NR2F1: variants seen among roughly 807,000 people sequenced by gnomAD.
NR2F1 encodes COUP transcription factor 1.
In NR2F1, 1 loss-of-function variant was observed where a neutral mutation model predicts 37.7. The ratio of observed to expected loss-of-function variants is 0.03; its 90% confidence interval spans 0.01 to 0.13. The LOEUF is 0.13. Ranked by LOEUF, NR2F1 falls within the 10% of genes least tolerant of loss-of-function variation. The pLI is 1.00. For missense variants in NR2F1, 268 were observed against 578.4 expected (o/e 0.46, Z 5.50); for synonymous variants, 275 against 259.6 (o/e 1.06, Z -0.57).
In NR2F1 at chr5:93,594,377, T is replaced by C. The variant is rs1196164713; in HGVS notation, c.*535T>C. On this transcript the variant is annotated 3_prime_UTR_variant, in exon 3 of 3. Transcript: ENST00000327111. The stretch of plus-strand genomic sequence containing the variant: ...CGCATAAAGAAAAAGGAAACAAGAA[T>C]TAGGGGAAAATAACATTTTCCAAAT... 1 of 152,324 alleles carries C rather than the reference T, an allele frequency of 6.6e-6. No homozygotes were observed. Among genetic ancestry groups the C allele is most frequent in the African/African-American group, 2.4e-5 (1 of 41,450 alleles). 9.4% of individuals were successfully genotyped at this position (152,324 alleles called of 1,614,324 possible). A position where few individuals can be genotyped will look rare whatever the true frequency, so the allele number is the denominator to read the frequency against.
rs201452963 is a variant in NR2F1, at chr5:93,585,216, G to A, written c.193G>A (p.Gly65Ser). The A allele has an allele frequency of 1.9e-6, 3 of 1,544,336 alleles. No homozygotes were observed. The highest frequency in any genetic ancestry group is 1.4e-5 in the African/African-American group (1 of 72,740). The change falls in exon 1 of 3, where the codon GGC becomes AGC. Residue 65 changes from glycine (G) to serine (S), a missense_variant. Coordinates refer to ENST00000327111, the MANE Select transcript of NR2F1 (RefSeq NM_005654.6). ...CCAGCCCGGAGCGCCCGCCACCCCCGGCACGGCGGGGGACAAGGGCCAGGG... is the reference window on the plus strand; with the variant it reads ...CCAGCCCGGAGCGCCCGCCACCCCCAGCACGGCGGGGGACAAGGGCCAGGG... ...PGQPGAPATP[G>S]TAGDKGQGPP...
In NR2F1 at chr5:93,583,737, G is replaced by A. The variant is rs1030849003; in HGVS notation, c.-1287G>A. ...TATAGCAGAAGAAGCAGAAGAAGGA[G>A]CAAGAAAGAGGAAAAGAAGAGGATT... On this transcript the variant is annotated 5_prime_UTR_variant, in exon 1 of 3. Transcript: ENST00000327111. 1 of 152,150 alleles carries A rather than the reference G, an allele frequency of 6.6e-6. No homozygotes were observed. Among genetic ancestry groups the A allele is most frequent in the Admixed American group, 6.5e-5 (1 of 15,286 alleles). 9.4% of individuals were successfully genotyped at this position (152,150 alleles called of 1,614,324 possible).
chr5:93,587,635 C>G (rs1753255222), intron 1 of NR2F1: 1 of 423,014 alleles, frequency 2.4e-6, no homozygotes, highest in African/African-American at 2.0e-5. Flanking sequence ...ATGACACTTT[C>G]TTGACCTTGC....
At position 93,583,755 on chromosome 5, in the gene NR2F1, A is replaced by C. The variant is rs989417410; in HGVS notation, c.-1269A>C. 6.6e-6 allele frequency: 1 copy of C among 152,152 alleles called. No individual in the cohort carries two copies. Among genetic ancestry groups the C allele is most frequent in the Non-Finnish European group, 1.5e-5 (1 of 68,032 alleles). 9.4% of individuals were successfully genotyped at this position (152,152 alleles called of 1,614,324 possible). A position where few individuals can be genotyped will look rare whatever the true frequency, so the allele number is the denominator to read the frequency against. On this transcript the variant is annotated 5_prime_UTR_variant, in exon 1 of 3. Coordinates refer to ENST00000327111, the MANE Select transcript of NR2F1 (RefSeq NM_005654.6). ...AGAAGGAGCAAGAAAGAGGAAAAGAAGAGGATTATTTATTCGACCTACTTT... is the reference window on the plus strand; with the variant it reads ...AGAAGGAGCAAGAAAGAGGAAAAGACGAGGATTATTTATTCGACCTACTTT...
At chr5:93,591,079 C>T (rs1753321506) in intron 2 of NR2F1, among the ~76,000 whole-genome samples, 1 of 152,230 alleles carries the variant, frequency 6.6e-6, no homozygotes, top group African/African-American at 2.4e-5. Context: ...GAATGCACAA[C>T]ATGAAATACA....
intron 1 of NR2F1, chr5:93,587,617 G>T: frequency 2.7e-6 from 1 of 367,542 alleles, no homozygotes; most frequent in Non-Finnish European, 4.9e-6. Flanking sequence ...TGGTGGCTTA[G>T]GGGTTGGATG....
At chr5:93,591,284 A>G (rs1254341189) in intron 2 of NR2F1, among the ~76,000 whole-genome samples, 5 of 152,220 alleles carry the variant, frequency 3.3e-5, no homozygotes, top group African/African-American at 1.2e-4. Flanking sequence ...GAGCATAAAT[A>G]TATACTGTAT....
chr5:93,585,028 C>T lies in NR2F1; in HGVS notation c.5C>T (p.Ala2Val). ...GCGCTCCCCGGGCCCAAAGATATGG[C>T]AATGGTAGTTAGCAGCTGGCGAGAT... MAMVVSSWRDPQ... is the reference protein window; with the variant it reads MVMVVSSWRDPQ... The change falls in exon 1 of 3, where the codon GCA (alanine) becomes GTA (valine). Residue 2 changes from alanine (A) to valine (V), a missense_variant. Transcript: ENST00000327111. The T allele has an allele frequency of 9.8e-7, 1 of 1,022,178 alleles. No individual in the cohort carries two copies. Among genetic ancestry groups the T allele is most frequent in the Non-Finnish European group, 1.2e-6 (1 of 854,934 alleles). 63.3% of individuals were successfully genotyped at this position (1,022,178 alleles called of 1,614,324 possible). A position where few individuals can be genotyped will look rare whatever the true frequency, so the allele number is the denominator to read the frequency against.
chr5:93,594,207 G>A lies in NR2F1; in HGVS notation c.*365G>A, dbSNP rs1303670836. The A allele has an allele frequency of 1.6e-5, 4 of 247,070 alleles. No homozygotes were observed. Among genetic ancestry groups the A allele is most frequent in the Non-Finnish European group, 2.3e-5 (3 of 128,086 alleles). 15.3% of individuals were successfully genotyped at this position (247,070 alleles called of 1,614,324 possible). A position where few individuals can be genotyped will look rare whatever the true frequency, so the allele number is the denominator to read the frequency against. On this transcript the variant is annotated 3_prime_UTR_variant, in exon 3 of 3. Coordinates refer to ENST00000327111, the MANE Select transcript of NR2F1 (RefSeq NM_005654.6). The stretch of plus-strand genomic sequence containing the variant: ...GGACCTTCCAGGATTTATTGTGGAC[G>A]GATGTGGATATATTCTGTACAGGAA...
intron 2 of NR2F1, among the ~76,000 whole-genome samples, chr5:93,590,626 C>G: frequency 6.6e-6 from 1 of 152,188 alleles, no homozygotes; most frequent in East Asian, 1.9e-4. Flanking sequence ...CAACACATTT[C>G]CACTTTTGAC....
intron 2 of NR2F1, among the ~76,000 whole-genome samples, chr5:93,592,616 C>G (rs1446481340): frequency 1.3e-5 from 2 of 151,650 alleles, no homozygotes; most frequent in Admixed American, 6.6e-5. Flanking sequence ...CTCCCTTGGT[C>G]CTGCCACCAA....
At position 93,588,200 on chromosome 5, in the gene NR2F1, G is replaced by A. The variant is rs754396202; in HGVS notation, c.747G>A (p.Val249=). ...CGGATCTGCAGATCACCGACCAGGT[G>A]TCCCTGCTACGCCTCACCTGGAGCG... The part of the protein sequence containing the change: ...FFPDLQITDQ[V]SLLRLTWSEL... Residue 249 remains valine (V), a synonymous_variant, in exon 2 of 3, where the codon GTG becomes GTA. Coordinates refer to ENST00000327111, the MANE Select transcript of NR2F1 (RefSeq NM_005654.6). The A allele has an allele frequency of 6.2e-7, 1 of 1,614,096 alleles. No homozygotes were observed. The highest frequency in any genetic ancestry group is 8.5e-7 in the Non-Finnish European group (1 of 1,180,002).
At position 93,593,498 on chromosome 5, in the gene NR2F1, C is replaced by T; in HGVS notation, c.992-64C>T. 1 of 1,490,254 alleles carries T rather than the reference C, an allele frequency of 6.7e-7. No individual in the cohort carries two copies. Among genetic ancestry groups the T allele is most frequent in the Non-Finnish European group, 9.1e-7 (1 of 1,099,740 alleles). 92.3% of individuals were successfully genotyped at this position (1,490,254 alleles called of 1,614,324 possible). ...AAATTGATGGCTTATTTTGCCTTTG[C>T]TATTTGTCAGCCTAACCGTGTGCTC... On this transcript the variant is annotated intron_variant, in intron 2 of 2. Coordinates refer to ENST00000327111, the MANE Select transcript of NR2F1 (RefSeq NM_005654.6). The surrounding 1 kb of genome is among the most constrained non-coding windows in gnomAD (Gnocchi z 5.6).
Position 93,588,266 on chromosome 5 carries a change from G to C in NR2F1, c.813G>C (p.Leu271=). ...VLNAAQCSMP[L]HVAPLLAAAG... ...ACGCGGCCCAGTGCTCTATGCCGCTGCACGTGGCGCCGTTGCTGGCCGCCG... is the reference window on the plus strand; with the variant it reads ...ACGCGGCCCAGTGCTCTATGCCGCTCCACGTGGCGCCGTTGCTGGCCGCCG... Residue 271 remains leucine (L), a synonymous_variant, in exon 2 of 3, where the codon CTG becomes CTC. Coordinates refer to ENST00000327111, the MANE Select transcript of NR2F1 (RefSeq NM_005654.6). 1.2e-6 allele frequency: 2 copies of C among 1,613,284 alleles called. No individual in the cohort carries two copies. The highest frequency in any genetic ancestry group is 2.2e-5 in the East Asian group (1 of 44,882).
intron 1 of NR2F1, chr5:93,587,070 T>C (rs1220233799): frequency 6.6e-6 from 1 of 151,770 alleles, no homozygotes; most frequent in Non-Finnish European, 1.5e-5. Context: ...TTTGGTCAGC[T>C]TTAAGAACTC....
intron 2 of NR2F1, 49 bp downstream of exon 2, chr5:93,588,493 G>A (rs759949806): frequency 2.7e-5 from 37 of 1,381,124 alleles, no homozygotes; most frequent in Non-Finnish European, 3.5e-5. Flanking sequence ...AGCGAGCGCA[G>A]GCCCCGCGCC....
At chr5:93,586,077 G>A (rs980998936) in intron 1 of NR2F1, among the ~76,000 whole-genome samples, 1 of 152,070 alleles carries the variant, frequency 6.6e-6, no homozygotes, top group Admixed American at 6.5e-5. Flanking sequence ...GTCTAATTAG[G>A]GGGGAAGGGG....
chr5:93,585,059 G>A lies in NR2F1; in HGVS notation c.36G>A (p.Gln12=), dbSNP rs1249991943. The change falls in exon 1 of 3, where the codon CAG becomes CAA. Residue 12 remains glutamine, a synonymous_variant. Transcript: ENST00000327111. ...AMVVSSWRDP[Q]DDVAGGNPGG... ...TAGTTAGCAGCTGGCGAGATCCGCA[G>A]GACGACGTGGCCGGGGGCAACCCCG... 1.9e-6 allele frequency: 2 copies of A among 1,036,654 alleles called. No homozygotes were observed. Among genetic ancestry groups the A allele is most frequent in the South Asian group, 3.9e-5 (1 of 25,462 alleles). The allele number at this position is 1,036,654 out of a possible 1,614,324, so 64.2% of individuals were successfully genotyped here.
intron 2 of NR2F1, among the ~76,000 whole-genome samples, chr5:93,590,588 A>G (rs1481436478): frequency 1.3e-5 from 2 of 152,246 alleles, no homozygotes; most frequent in Non-Finnish European, 2.9e-5. Flanking sequence ...TAGAGCTGTC[A>G]GTAGTAATTC....
Sources: gnomAD v4.1 joint callset for allele counts (sites outside exome capture counted in the v4.1 genomes callset) on GRCh38, gnomAD v4.1.1 for gene constraint, Gnocchi (gnomAD v3.1) non-coding constraint, MANE v1.5 for transcripts, NCBI Gene and HGNC (gene_info 2026-07-23, HGNC 2026-07-21) for gene names.